CORO2A: variants seen among roughly 807,000 people sequenced by gnomAD.
CORO2A encodes coronin 2A.
A neutral mutation model predicts 62.4 loss-of-function variants in CORO2A; 47 were observed. The observed-to-expected ratio is 0.75, with a 90% CI of 0.60 to 0.96. CORO2A has a LOEUF of 0.96. Among genes scored for constraint, CORO2A ranks in the 40% least tolerant of loss-of-function variants. The probability of loss-of-function intolerance (pLI) is 0.00; values close to 1 mark genes in which losing one functional copy is unlikely to be tolerated. For missense variants in CORO2A, 610 were observed against 684.1 expected (o/e 0.89, Z 1.21); for synonymous variants, 273 against 268.9 (o/e 1.02, Z -0.15).
intron 1 of CORO2A, among the ~76,000 whole-genome samples, chr9:98,190,817 C>T (rs564176184): frequency 1.2e-4 from 19 of 152,304 alleles, no homozygotes; most frequent in African/African-American, 4.6e-4. Context: ...GCCTGTGCGT[C>T]GGAGCTGGGC....
chr9:98,159,333 C>A (rs1247938527), intron 1 of CORO2A, among the ~76,000 whole-genome samples: 2 of 152,162 alleles, frequency 1.3e-5, no homozygotes, highest in Non-Finnish European at 1.5e-5. Context: ...AAGGCGTGAG[C>A]CACTGCCCCT....
intron 2 of CORO2A, 147 bp from the exon 3 acceptor site, chr9:98,137,835 TG>T (rs770490031): frequency 4.1e-5 from 27 of 657,182 alleles, no homozygotes; most frequent in Non-Finnish European, 6.6e-5. Flanking sequence ...TTATTCCCTG[TG>T]GGATCCTGGG....
Position 98,154,329 on chromosome 9 carries a change from G to GTATA in CORO2A, c.201+3127_201+3130dup, listed in dbSNP as rs61422672. The stretch of plus-strand genomic sequence containing the variant: ...TAGAGTCTTTCTTATGTGTTTGTGT[G>GTATA]TATATATATATATATATATATATAC... On this transcript the variant is annotated intron_variant, in intron 2 of 11. Transcript: ENST00000375077. 3.1e-3 allele frequency among the ~76,000 whole-genome samples: 274 copies of GTATA among 88,958 alleles called. 7 individuals are homozygous for GTATA. Among genetic ancestry groups the GTATA allele is most frequent in the African/African-American group, 0.01 (192 of 18,492 alleles). 58.4% of individuals were successfully genotyped at this position (88,958 alleles called of 152,430 possible). A position where few individuals can be genotyped will look rare whatever the true frequency, so the allele number is the denominator to read the frequency against.
At chr9:98,176,180 C>T (rs10985325) in intron 1 of CORO2A, among the ~76,000 whole-genome samples, 21,246 of 152,130 alleles carry the variant, frequency 0.14, 1,752 homozygotes, top group East Asian at 0.26. Context: ...CCCTCTGAAC[C>T]GAATGAAAGC....
At chr9:98,132,346 CGG>C in intron 5 of CORO2A, 45 bp from the exon 6 acceptor site, 1 of 1,541,102 alleles carries the variant, frequency 6.5e-7, no homozygotes, top group Non-Finnish European at 9.0e-7. Context: ...AGTAGAGGAT[CGG>C]GGGCAGCTGG....
At chr9:98,156,449 G>GT (rs1827803835) in intron 2 of CORO2A, among the ~76,000 whole-genome samples, 1 of 152,030 alleles carries the variant, frequency 6.6e-6, no homozygotes, top group South Asian at 2.1e-4. Flanking sequence ...CCTACATCTC[G>GT]TAAGTTTTGT....
intron 1 of CORO2A, among the ~76,000 whole-genome samples, chr9:98,180,710 C>G (rs970944713): frequency 1.9e-4 from 29 of 152,272 alleles, no homozygotes; most frequent in African/African-American, 6.5e-4. Context: ...CTCCCCACCT[C>G]CAGCCTCCTG....
rs1236773501 is a variant in CORO2A, at chr9:98,191,339, G to A, written c.-1+1220C>T. On this transcript the variant is annotated intron_variant, in intron 1 of 11. Transcript: ENST00000375077. Reference sequence around the variant, plus strand: ...TCTGAACAAGCCCCAGGAAAGCGGAGGCCCCACAGCCTGCTCCAGGGCAGA... The same window carrying A: ...TCTGAACAAGCCCCAGGAAAGCGGAAGCCCCACAGCCTGCTCCAGGGCAGA... 2.0e-5 allele frequency among the ~76,000 whole-genome samples: 3 copies of A among 152,322 alleles called. No homozygotes were observed. In the South Asian group the frequency reaches 6.2e-4, roughly 32 times the overall value.
intron 1 of CORO2A, among the ~76,000 whole-genome samples, chr9:98,187,828 C>T (rs938988886): frequency 2.6e-5 from 4 of 152,204 alleles, no homozygotes; most frequent in Non-Finnish European, 4.4e-5. Flanking sequence ...ATATTCAAAT[C>T]TGGCCATGTT....
intron 2 of CORO2A, among the ~76,000 whole-genome samples, chr9:98,148,394 C>CAAAAAAAAAAAAAAATAAAAAA (rs1827673462): frequency 9.6e-6 from 1 of 104,016 alleles, no homozygotes; most frequent in Non-Finnish European, 1.9e-5. Context: ...GACTCCATCT[C>CAAAAAAAAAAAAAAATAAAAAA]AAAAAAAAAA....
chr9:98,157,239 G>A (rs1005969050), intron 2 of CORO2A: 2 of 511,200 alleles, frequency 3.9e-6, no homozygotes, highest in Admixed American at 7.1e-5. Context: ...GAAGAGGAGA[G>A]GTGCTACGAG....
At chr9:98,171,649 A>G (rs1828037922) in intron 1 of CORO2A, among the ~76,000 whole-genome samples, 1 of 152,094 alleles carries the variant, frequency 6.6e-6, no homozygotes, top group African/African-American at 2.4e-5. Context: ...TTTCAAGGCC[A>G]AGTAGAGCAA....
At position 98,132,301 on chromosome 9, in the gene CORO2A, C is replaced by G; in HGVS notation, c.649G>C (p.Glu217Gln). ...GCCCGGTGCCCTTTGTAGCTGGCCTCCTGGAGGGACACGTGCGGTCGGTAT... is the reference window on the plus strand; with the variant it reads ...GCCCGGTGCCCTTTGTAGCTGGCCTGCTGGAGGGACACGTGCGGTCGGTAT... Reference protein sequence around the residue: ...IDPRAGTVLQEASYKGHRASK... With the variant: ...IDPRAGTVLQQASYKGHRASK... The change falls in exon 6 of 12, where the codon GAG (glutamate) becomes CAG (glutamine). Residue 217 changes from glutamate (E) to glutamine (Q), a missense_variant and splice_region_variant. Physicochemically the swap from Glu to Gln is conservative, Grantham distance 29. Transcript: ENST00000375077. 1 of 1,613,268 alleles carries G rather than the reference C, an allele frequency of 6.2e-7. No homozygotes were observed. The highest frequency in any genetic ancestry group is 2.2e-5 in the East Asian group (1 of 44,870).
chr9:98,153,092 A>G (rs190605007), intron 2 of CORO2A, among the ~76,000 whole-genome samples: 78 of 152,186 alleles, frequency 5.1e-4, no homozygotes, highest in Non-Finnish European at 9.7e-4. Flanking sequence ...TCATCTCTAT[A>G]ACTTTTTCTC....
At chr9:98,142,876 G>A (rs192766922) in intron 2 of CORO2A, among the ~76,000 whole-genome samples, 30 of 138,052 alleles carry the variant, frequency 2.2e-4, no homozygotes, top group African/African-American at 7.0e-4. Flanking sequence ...GCTGCCCTGC[G>A]CTGCCCTGCC....
intron 1 of CORO2A, among the ~76,000 whole-genome samples, chr9:98,169,130 G>T (rs1447227199): frequency 1.3e-5 from 2 of 152,182 alleles, no homozygotes; most frequent in African/African-American, 4.8e-5. Flanking sequence ...CACCAGCGAG[G>T]CAGAAGCCGT....
intron 2 of CORO2A, among the ~76,000 whole-genome samples, chr9:98,154,536 G>A (rs1827777948): frequency 6.6e-6 from 1 of 151,922 alleles, no homozygotes; most frequent in African/African-American, 2.4e-5. Flanking sequence ...CCCACGAGAT[G>A]CTTTCCAGTC....
intron 1 of CORO2A, among the ~76,000 whole-genome samples, chr9:98,182,848 A>C (rs549653503): frequency 6.6e-6 from 1 of 152,334 alleles, no homozygotes; most frequent in South Asian, 2.1e-4. Flanking sequence ...CATCTCTGAA[A>C]CTGGGATGCA....
intron 1 of CORO2A, among the ~76,000 whole-genome samples, chr9:98,177,962 C>T (rs970277228): frequency 6.6e-6 from 1 of 152,286 alleles, no homozygotes; most frequent in East Asian, 1.9e-4. Context: ...CTGTTTTTGT[C>T]CTGGGTCTTG....
Sources: allele counts gnomAD v4.1 joint callset (sites outside exome capture counted in the v4.1 genomes callset), GRCh38; gene constraint gnomAD v4.1.1; transcripts MANE v1.5; gene names NCBI Gene and HGNC (gene_info 2026-07-23, HGNC 2026-07-21).